The following NTN1 variants were observed in gnomAD, a reference collection of about 807,000 sequenced individuals.
NTN1 encodes netrin 1, also known as netrin-1.
Under a neutral mutation model 54.2 loss-of-function variants are expected in NTN1, and 11 were observed. The ratio of observed to expected loss-of-function variants is 0.20; its 90% CI spans 0.13 to 0.34. The LOEUF is 0.34. Among genes scored for constraint, NTN1 ranks in the 10% least tolerant of loss-of-function variants. NTN1 has a pLI of 1.00. For synonymous variants in NTN1, 371 were observed against 382.0 expected (o/e 0.97, Z 0.33); for missense variants, 740 against 893.1 (o/e 0.83, Z 2.18).
At chr17:9,119,150 G>C (rs1318540683) in intron 2 of NTN1, among the ~76,000 whole-genome samples, 1 of 151,794 alleles carries the variant, frequency 6.6e-6, no homozygotes, top group Non-Finnish European at 1.5e-5. Context: ...GCCAACACTT[G>C]TTATTATTTG....
intron 3 of NTN1, 50 bp downstream of exon 3, chr17:9,163,051 A>C: frequency 6.6e-7 from 1 of 1,525,088 alleles, no homozygotes; most frequent in Non-Finnish European, 8.9e-7. Context: ...GGGGAACATC[A>C]GTCCTCCCGC....
intron 5 of NTN1, among the ~76,000 whole-genome samples, chr17:9,184,562 CTG>C (rs2092427632): frequency 6.6e-6 from 1 of 152,186 alleles, no homozygotes; most frequent in Admixed American, 6.5e-5. Flanking sequence ...GATTTTAAGG[CTG>C]TGCACACCGC....
chr17:9,210,680 G>A (rs1336745410), intron 5 of NTN1, among the ~76,000 whole-genome samples: 2 of 152,064 alleles, frequency 1.3e-5, no homozygotes, highest in African/African-American at 4.8e-5. Context: ...GCCGAGGCAA[G>A]CGGATCACCT....
chr17:9,131,065 GCA>G (rs1239005686), intron 2 of NTN1, among the ~76,000 whole-genome samples: 4 of 152,004 alleles, frequency 2.6e-5, no homozygotes, highest in African/African-American at 9.7e-5. Flanking sequence ...GCTCTGCCAG[GCA>G]CACTCTTAAC....
intron 2 of NTN1, among the ~76,000 whole-genome samples, chr17:9,111,417 A>G (rs1453199529): frequency 6.6e-6 from 1 of 152,166 alleles, no homozygotes; most frequent in African/African-American, 2.4e-5. Flanking sequence ...AGTGAAGTGT[A>G]GGTGTGTGTG....
At chr17:9,023,519 G>C (rs75549599) in intron 2 of NTN1, 128 bp downstream of exon 2, 42,519 of 1,169,358 alleles carry the variant, frequency 0.036, 1,226 homozygotes, top group African/African-American at 0.14. Flanking sequence ...GCCGATGCCC[G>C]GGACCCGGGA....
chr17:9,123,222 C>A (rs1364611485), intron 2 of NTN1, among the ~76,000 whole-genome samples: 1 of 152,086 alleles, frequency 6.6e-6, no homozygotes, highest in East Asian at 1.9e-4. Context: ...AACCTGTTGG[C>A]CAACTTGGAA....
intron 2 of NTN1, among the ~76,000 whole-genome samples, chr17:9,097,927 A>G (rs915416855): frequency 9.9e-5 from 15 of 151,964 alleles, no homozygotes; most frequent in Non-Finnish European, 1.8e-4. Context: ...TCCTTTGAGA[A>G]TTTTCTGCTC....
At chr17:9,007,267 TTTC>T in the NTN1 span, among the ~76,000 whole-genome samples, 24 of 151,046 alleles carry the variant, frequency 1.6e-4, no homozygotes, top group Middle Eastern at 3.4e-3. Flanking sequence ...TCTTTCTCTC[TTTC>T]TTTTCTTTCA....
intron 2 of NTN1, among the ~76,000 whole-genome samples, chr17:9,098,661 T>G (rs1055670076): frequency 7.2e-5 from 11 of 152,126 alleles, no homozygotes; most frequent in African/African-American, 1.2e-4. Context: ...CACCTGCATA[T>G]GAAGAAAACA....
intron 3 of NTN1, among the ~76,000 whole-genome samples, chr17:9,170,057 G>A (rs1208372690): frequency 7.2e-5 from 11 of 152,126 alleles, no homozygotes; most frequent in Non-Finnish European, 1.3e-4. Flanking sequence ...TTATGGGGCC[G>A]GGGGCAGGTG....
At chr17:9,033,865 A>G (rs2091895045) in intron 2 of NTN1, among the ~76,000 whole-genome samples, 6 of 150,932 alleles carry the variant, frequency 4.0e-5, no homozygotes, top group Admixed American at 2.7e-4. Flanking sequence ...TGCAGTGAGC[A>G]GAGATCACAC....
rs949334825 is a variant in NTN1 at position 9,135,628 on chromosome 17, G to T, written c.1019-27185G>T. On this transcript the variant is annotated intron_variant, in intron 2 of 6. Coordinates refer to ENST00000173229, the MANE Select transcript of NTN1 (RefSeq NM_004822.3). The surrounding 1 kb of genome is among the most constrained non-coding windows in gnomAD (Gnocchi z 4.4). The stretch of plus-strand genomic sequence containing the variant: ...GGCCCAGCACTGTTGGGTTCAGCTG[G>T]TGTGTGGAGCCTCTGCTTTTTCTGT... 1.3e-5 allele frequency among the ~76,000 whole-genome samples: 2 copies of T among 152,232 alleles called. No individual in the cohort carries two copies. Among genetic ancestry groups the T allele is most frequent in the Non-Finnish European group, 2.9e-5 (2 of 68,034 alleles).
At chr17:9,056,920 G>A (rs894744044) in intron 2 of NTN1, among the ~76,000 whole-genome samples, 1 of 152,156 alleles carries the variant, frequency 6.6e-6, no homozygotes, top group African/African-American at 2.4e-5. Context: ...TAAAGACAAC[G>A]CCTTTCGTGC....
intron 2 of NTN1, among the ~76,000 whole-genome samples, chr17:9,057,383 C>T (rs948899509): frequency 6.6e-6 from 1 of 152,152 alleles, no homozygotes; most frequent in Non-Finnish European, 1.5e-5. Context: ...TGATTGCACA[C>T]AGATCCTGTG....
At position 9,240,241 on chromosome 17, in the gene NTN1, G is replaced by C. The variant is rs1906159929; in HGVS notation, c.*273G>C. On this transcript the variant is annotated 3_prime_UTR_variant, in exon 7 of 7. Transcript: ENST00000173229. ...AATGACGAGACGTAGCTACCTCACG[G>C]GGCTCCTTCCAGAGCAGAGACGCGC... is the stretch of plus-strand genomic sequence containing the variant. 2 of 154,132 alleles carry C rather than the reference G, an allele frequency of 1.3e-5. No homozygotes were observed. Among genetic ancestry groups the C allele is most frequent in the Non-Finnish European group, 2.9e-5 (2 of 69,708 alleles). 9.5% of individuals were successfully genotyped at this position (154,132 alleles called of 1,614,324 possible).
chr17:9,101,444 A>G (rs974962825), intron 2 of NTN1, among the ~76,000 whole-genome samples: 4 of 152,170 alleles, frequency 2.6e-5, no homozygotes, highest in Admixed American at 2.6e-4. Context: ...TATTTATGGT[A>G]TTGTTGGCTT....
At chr17:9,141,189 C>T (rs1488913819) in intron 2 of NTN1, among the ~76,000 whole-genome samples, 1 of 151,344 alleles carries the variant, frequency 6.6e-6, no homozygotes, top group African/African-American at 2.4e-5. Context: ...GGAGTCATTT[C>T]CCCCCGAGAA....
At chr17:9,232,854 C>T (rs146699448) in intron 6 of NTN1, among the ~76,000 whole-genome samples, 6 of 152,286 alleles carry the variant, frequency 3.9e-5, no homozygotes, top group East Asian at 3.9e-4. Flanking sequence ...CCTCCCTTCG[C>T]AGGGCCTGGG....
Sources: allele counts gnomAD v4.1 joint callset (sites outside exome capture counted in the v4.1 genomes callset), GRCh38; gene constraint gnomAD v4.1.1; non-coding constraint Gnocchi (gnomAD v3.1); transcripts MANE v1.5; gene names NCBI Gene and HGNC (gene_info 2026-07-23, HGNC 2026-07-21).